ANK2: variants seen among roughly 807,000 people sequenced by gnomAD.
ANK2 encodes the protein ankyrin 2.
ANK2 carries 83 observed loss-of-function variants against 360.5 expected under a neutral mutation model. The observed-to-expected ratio is 0.23, with a 90% CI of 0.19 to 0.28. ANK2 has a LOEUF of 0.28. Ranked by LOEUF, ANK2 falls within the 10% of genes least tolerant of loss-of-function variation. The pLI, the probability that ANK2 is intolerant of heterozygous loss-of-function variation, is 1.00. For synonymous variants in ANK2, 1,740 were observed against 1,759.5 expected (o/e 0.99, Z 0.28); for missense variants, 4,201 against 4,795.7 (o/e 0.88, Z 3.66).
At chr4:113,091,824 C>T (rs577797135) in intron 1 of ANK2, among the ~76,000 whole-genome samples, 16 of 152,310 alleles carry the variant, frequency 1.1e-4, no homozygotes, top group African/African-American at 3.8e-4. Flanking sequence ...TGCTTTTAAT[C>T]GCTTGGCTCC....
chr4:112,876,321 C>T (rs1038539146), intron 1 of ANK2, among the ~76,000 whole-genome samples: 1 of 152,046 alleles, frequency 6.6e-6, no homozygotes, highest in African/African-American at 2.4e-5. Context: ...ATCAATGTAA[C>T]TTTGCATATA....
intron 1 of ANK2, among the ~76,000 whole-genome samples, chr4:112,886,164 A>G (rs2078297835): frequency 6.6e-6 from 1 of 152,186 alleles, no homozygotes; most frequent in Non-Finnish European, 1.5e-5. Context: ...CTGCACGTGT[A>G]TAGGTCAAGA....
At chr4:113,144,523 T>C (rs2096756611) in intron 1 of ANK2, among the ~76,000 whole-genome samples, 1 of 151,978 alleles carries the variant, frequency 6.6e-6, no homozygotes, top group Non-Finnish European at 1.5e-5. Context: ...CTAAATATCT[T>C]CCACATCCTG....
chr4:112,718,929 A>ACCCGGTCGCATGAGCCACCGCT, the ANK2 span, among the ~76,000 whole-genome samples: 2 of 69,076 alleles, frequency 2.9e-5, no homozygotes, highest in East Asian at 2.0e-4. Flanking sequence ...GAGCCACCGC[A>ACCCGGTCGCATGAGCCACCGCT]CCCGGTCGCA....
At chr4:112,826,478 T>G in intron 1 of ANK2, 1 of 1,123,028 alleles carries the variant, frequency 8.9e-7, no homozygotes, top group Non-Finnish European at 1.3e-6. Context: ...CTGTGAAACC[T>G]TTTGTTACAT....
chr4:112,857,050 G>T (rs2066609470), intron 1 of ANK2, among the ~76,000 whole-genome samples: 1 of 143,526 alleles, frequency 7.0e-6, no homozygotes, highest in South Asian at 2.1e-4. Flanking sequence ...GATATCAAGA[G>T]TGGGGGATTC....
At chr4:112,763,106 A>G in the ANK2 span, among the ~76,000 whole-genome samples, 3 of 152,202 alleles carry the variant, frequency 2.0e-5, no homozygotes, top group African/African-American at 7.2e-5. Context: ...TTAAGAAATA[A>G]GAGTGGGGGC....
intron 2 of ANK2, among the ~76,000 whole-genome samples, chr4:112,988,141 A>T (rs775932443): frequency 2.0e-5 from 3 of 152,154 alleles, no homozygotes; most frequent in Non-Finnish European, 4.4e-5. Flanking sequence ...CTAGGGAAAT[A>T]AGATATCTTT....
chr4:112,896,092 A>G (rs1264558411), intron 1 of ANK2, among the ~76,000 whole-genome samples: 1 of 152,252 alleles, frequency 6.6e-6, no homozygotes, highest in African/African-American at 2.4e-5. Context: ...TCTCTGACAG[A>G]GAAAAAGGAG....
chr4:112,883,010 T>C (rs1425794737), intron 1 of ANK2, among the ~76,000 whole-genome samples: 1 of 146,352 alleles, frequency 6.8e-6, no homozygotes, highest in East Asian at 2.0e-4. Context: ...CTGGTTTACT[T>C]GGTTAGTCTT....
chr4:112,850,294 A>ATCTC (rs1195083033), intron 1 of ANK2, among the ~76,000 whole-genome samples: 11 of 136,228 alleles, frequency 8.1e-5, no homozygotes, highest in South Asian at 4.6e-4. Flanking sequence ...CTATCTATCT[A>ATCTC]TCTATCTAAT....
chr4:113,352,961 CTG>C, intron 37 of ANK2, 82 bp from the exon 38 acceptor site: 1 of 1,495,850 alleles, frequency 6.7e-7, no homozygotes, highest in Non-Finnish European at 9.1e-7. Flanking sequence ...GGAAAAGACG[CTG>C]TGTCGTTTCA....
chr4:113,310,670 G>C (rs1454379759), intron 23 of ANK2, among the ~76,000 whole-genome samples: 2 of 152,210 alleles, frequency 1.3e-5, no homozygotes, highest in African/African-American at 2.4e-5. Flanking sequence ...ACCTGCCTCA[G>C]CCTCCCAAAG....
At chr4:113,249,671 T>G in intron 9 of ANK2, 93 bp from the exon 10 acceptor site, 1 of 1,142,512 alleles carries the variant, frequency 8.8e-7, no homozygotes, top group Non-Finnish European at 1.3e-6. Context: ...TAATCAGGAT[T>G]GAGTTTAGGA....
chr4:113,139,873 G>A (rs1471972628), intron 1 of ANK2, among the ~76,000 whole-genome samples: 5 of 152,146 alleles, frequency 3.3e-5, no homozygotes, highest in African/African-American at 1.2e-4. Context: ...AAATTAAATT[G>A]GTTAATTGAT....
chr4:113,344,350 C>T (rs981576652), intron 34 of ANK2, among the ~76,000 whole-genome samples: 1 of 152,130 alleles, frequency 6.6e-6, no homozygotes, highest in African/African-American at 2.4e-5. Context: ...CCACTCCATA[C>T]CCATTAGGAT....
At chr4:112,858,284 C>G (rs1327969094) in intron 1 of ANK2, among the ~76,000 whole-genome samples, 1 of 151,874 alleles carries the variant, frequency 6.6e-6, no homozygotes, top group African/African-American at 2.4e-5. Context: ...TATTTTTAGT[C>G]ACAAAAATAA....
At chr4:112,999,184 A>G (rs544616853) in intron 2 of ANK2, among the ~76,000 whole-genome samples, 1 of 152,328 alleles carries the variant, frequency 6.6e-6, no homozygotes, top group East Asian at 1.9e-4. Context: ...AGATGCTAAT[A>G]GATAATTTCT....
At chr4:113,079,940 C>T (rs1320987824) in intron 1 of ANK2, among the ~76,000 whole-genome samples, 2 of 149,686 alleles carry the variant, frequency 1.3e-5, no homozygotes, top group Non-Finnish European at 3.0e-5. Flanking sequence ...GCTCTGTTGC[C>T]CAGGCTGGAG....
Sources: gnomAD v4.1 joint callset for allele counts (sites outside exome capture counted in the v4.1 genomes callset) on GRCh38, gnomAD v4.1.1 for gene constraint, MANE v1.5 for transcripts, NCBI Gene and HGNC (gene_info 2026-07-23, HGNC 2026-07-21) for gene names.